Variants in DNAH9 observed in about 807,000 individuals in gnomAD.
The protein encoded by DNAH9 is dynein axonemal heavy chain 9, also known as DNAH9 variant protein.
DNAH9 carries 345 observed loss-of-function variants against 471.6 expected under a neutral mutation model. That is an observed-to-expected ratio of 0.73 (90% CI 0.67 to 0.80). The LOEUF (loss-of-function observed/expected upper bound fraction) is 0.80. DNAH9 is among the 30% of genes least tolerant of loss of function. The probability of loss-of-function intolerance (pLI) is 0.00; values close to 1 mark genes in which losing one functional copy is unlikely to be tolerated. For synonymous variants in DNAH9, 2,093 were observed against 2,123.6 expected, an observed-to-expected ratio of 0.99 and a Z score of 0.40; for missense variants, 5,407 against 5,609.2, an observed-to-expected ratio of 0.96 and a Z score of 1.15.
intron 26 of DNAH9, among the ~76,000 whole-genome samples, chr17:11,713,149 C>T (rs778436388): frequency 2.6e-5 from 4 of 152,112 alleles, no homozygotes; most frequent in South Asian, 2.1e-4. Flanking sequence ...TGTGAACATG[C>T]GGTATTTGGT....
At chr17:11,777,041 G>C (rs1389113934) in intron 38 of DNAH9, among the ~76,000 whole-genome samples, 1 of 152,160 alleles carries the variant, frequency 6.6e-6, no homozygotes, top group East Asian at 1.9e-4. Flanking sequence ...TATGCCTTCT[G>C]TAAAATCTCA....
In DNAH9 at chr17:11,937,491, G is replaced by A; in HGVS notation, c.12629G>A (p.Arg4210Lys). 4 of 1,613,506 alleles carry A rather than the reference G, an allele frequency of 2.5e-6. No individual in the cohort carries two copies. The highest frequency in any genetic ancestry group is 3.4e-6 in the Non-Finnish European group (4 of 1,179,596). Residue 4210 changes from arginine (R) to lysine (K), a missense_variant, in exon 66 of 69, where the codon AGA becomes AAA. By Grantham distance (26) the Arg-to-Lys change is conservative. Transcript: ENST00000262442. This position sits in a 1 kb window ranked among gnomAD's most constrained non-coding sequence, Gnocchi z 4.1. ...LELQPRDSQA[R>K]DGAGATREEK... ...CTGCAGCCTCGGGACAGCCAGGCCA[G>A]AGACGGAGCGGGCGCCACAAGAGAA... is the stretch of plus-strand genomic sequence containing the variant.
intron 26 of DNAH9, among the ~76,000 whole-genome samples, chr17:11,709,720 CA>C (rs2074798304): frequency 6.6e-6 from 1 of 152,176 alleles, no homozygotes; most frequent in South Asian, 2.1e-4. Flanking sequence ...TCAGGCTGAA[CA>C]AAAGCAATTC....
chr17:11,684,013 G>A (rs184202354), intron 19 of DNAH9, among the ~76,000 whole-genome samples: 29 of 152,342 alleles, frequency 1.9e-4, no homozygotes, highest in Admixed American at 5.9e-4. Context: ...TGGCATGTGA[G>A]TTTAAATCTG....
At chr17:11,846,024 G>A (rs1174279344) in intron 49 of DNAH9, among the ~76,000 whole-genome samples, 28 of 152,088 alleles carry the variant, frequency 1.8e-4, no homozygotes, top group South Asian at 4.1e-4. Context: ...CCATTTGTCA[G>A]TTTTGGCTTT....
chr17:11,774,655 A>G (rs1968348887), intron 38 of DNAH9, among the ~76,000 whole-genome samples: 1 of 152,158 alleles, frequency 6.6e-6, no homozygotes, highest in Admixed American at 6.5e-5. Flanking sequence ...GGATTATGGG[A>G]GCTACAATTC....
At position 11,694,035 on chromosome 17, in the gene DNAH9, G is replaced by C; in HGVS notation, c.4745+37G>C. On this transcript the variant is annotated intron_variant, in intron 21 of 68. Coordinates refer to ENST00000262442, the MANE Select transcript of DNAH9 (RefSeq NM_001372.4). ...CCCATTACCCCTTCTCTAATAAGAA[G>C]GCATCATTTCCTTTTCCCCATCGTC... 3.1e-6 allele frequency: 5 copies of C among 1,604,358 alleles called. 1 individual carries two copies. Among genetic ancestry groups the C allele is most frequent in the South Asian group, 2.2e-5 (2 of 90,024 alleles).
At chr17:11,903,174 A>G (rs1973472647) in intron 60 of DNAH9, among the ~76,000 whole-genome samples, 1 of 152,126 alleles carries the variant, frequency 6.6e-6, no homozygotes, top group Non-Finnish European at 1.5e-5. Flanking sequence ...CCCCGTCTCT[A>G]CTGAAAATAC....
At chr17:11,705,783 C>T (rs968513097) in intron 26 of DNAH9, among the ~76,000 whole-genome samples, 29 of 152,102 alleles carry the variant, frequency 1.9e-4, no homozygotes, top group African/African-American at 7.0e-4. Context: ...ATGAATAACT[C>T]AAATACCCTG....
At chr17:11,865,066 T>C (rs1971994337) in intron 50 of DNAH9, among the ~76,000 whole-genome samples, 1 of 152,194 alleles carries the variant, frequency 6.6e-6, no homozygotes, top group African/African-American at 2.4e-5. Flanking sequence ...CCTGTCATTA[T>C]GATGTTAGCT....
At chr17:11,682,418 C>T (rs1231956832) in intron 19 of DNAH9, among the ~76,000 whole-genome samples, 2 of 151,726 alleles carry the variant, frequency 1.3e-5, no homozygotes, top group Admixed American at 1.3e-4. Flanking sequence ...TTAGGAAGCA[C>T]CTGTGTTCTG....
Position 11,734,967 on chromosome 17 carries a change from G to C in DNAH9, c.5815-3913G>C, listed in dbSNP as rs1347770449. Among the ~76,000 whole-genome samples the C allele has an allele frequency of 3.3e-5, 5 of 152,158 alleles. No individual in the cohort carries two copies. In the East Asian group the frequency reaches 5.8e-4, roughly 18 times the overall value. On this transcript the variant is annotated intron_variant, in intron 28 of 68. Transcript: ENST00000262442. ...GGTTCTCAAATTTCAGCGTGCATCA[G>C]AATCACCCGGAGGGCCTGTTCCGAC...
At chr17:11,633,806 C>T (rs950517043) in intron 8 of DNAH9, among the ~76,000 whole-genome samples, 5 of 152,198 alleles carry the variant, frequency 3.3e-5, no homozygotes, top group Non-Finnish European at 7.3e-5. Flanking sequence ...TCCCTCTCTA[C>T]CAGAGATGTT....
intron 50 of DNAH9, among the ~76,000 whole-genome samples, chr17:11,867,059 T>C (rs2150982683): frequency 6.6e-6 from 1 of 152,340 alleles, no homozygotes; most frequent in Admixed American, 6.5e-5. Flanking sequence ...CACTTCCTAG[T>C]GAGATGAACC....
chr17:11,812,557 C>T (rs1308169713), intron 45 of DNAH9, among the ~76,000 whole-genome samples: 1 of 152,146 alleles, frequency 6.6e-6, no homozygotes, highest in Non-Finnish European at 1.5e-5. Flanking sequence ...TGAAGAGCCA[C>T]TGGTCCCTGG....
intron 60 of DNAH9, among the ~76,000 whole-genome samples, chr17:11,903,685 G>A (rs185552314): frequency 1.8e-4 from 28 of 152,202 alleles, no homozygotes; most frequent in Middle Eastern, 3.4e-3. Flanking sequence ...CTGAGGCGGC[G>A]GATCGCTTAA....
intron 45 of DNAH9, among the ~76,000 whole-genome samples, chr17:11,812,676 A>G (rs1194518465): frequency 6.6e-6 from 1 of 151,798 alleles, no homozygotes; most frequent in African/African-American, 2.4e-5. Flanking sequence ...CACTCATACC[A>G]CCCTCATTCC....
At position 11,647,328 on chromosome 17, in the gene DNAH9, A is replaced by G; in HGVS notation, c.2097+130A>G. The G allele has an allele frequency of 5.6e-6, 5 of 885,610 alleles. No homozygotes were observed. In the South Asian group the frequency reaches 6.4e-5, roughly 11 times the overall value. The allele number at this position is 885,610 out of a possible 1,614,324, so 54.9% of individuals were successfully genotyped here. A position where few individuals can be genotyped will look rare whatever the true frequency, so the allele number is the denominator to read the frequency against. On this transcript the variant is annotated intron_variant, in intron 12 of 68. Coordinates refer to ENST00000262442, the MANE Select transcript of DNAH9 (RefSeq NM_001372.4). ...ACTCTTGTCGCCCAGGCTGGAGTGC[A>G]GTGGCGCGATCTCAGCTCACTACAA...
intron 50 of DNAH9, among the ~76,000 whole-genome samples, chr17:11,868,898 G>A (rs1290763283): frequency 6.6e-6 from 1 of 152,092 alleles, no homozygotes; most frequent in Non-Finnish European, 1.5e-5. Context: ...GACATTTCTG[G>A]ATGTCCACTC....
Sources: allele counts gnomAD v4.1 joint callset (sites outside exome capture counted in the v4.1 genomes callset), GRCh38; gene constraint gnomAD v4.1.1; non-coding constraint Gnocchi (gnomAD v3.1); transcripts MANE v1.5; gene names NCBI Gene and HGNC (gene_info 2026-07-23, HGNC 2026-07-21).